TRNAU1AP: variants seen among roughly 807,000 people sequenced by gnomAD.
TRNAU1AP encodes the protein tRNA selenocysteine 1-associated protein 1.
A neutral mutation model predicts 43.3 loss-of-function variants in TRNAU1AP; 33 were observed. The ratio of observed to expected loss-of-function variants is 0.76; its 90% CI spans 0.58 to 1.02. TRNAU1AP has a LOEUF of 1.02. TRNAU1AP is among the 50% of genes least tolerant of loss of function. The pLI is 0.00. For synonymous variants in TRNAU1AP, 143 were observed against 129.1 expected (o/e 1.11, Z -0.73); for missense variants, 290 against 362.7 (o/e 0.80, Z 1.63).
At chr1:28,562,221 C>T (rs1174254360) in intron 4 of TRNAU1AP, among the ~76,000 whole-genome samples, 1 of 152,232 alleles carries the variant, frequency 6.6e-6, no homozygotes, top group Non-Finnish European at 1.5e-5. Flanking sequence ...TTCTACTTTT[C>T]AGTATTTATT....
At chr1:28,569,049 G>A (rs1404524225) in intron 6 of TRNAU1AP, among the ~76,000 whole-genome samples, 1 of 151,992 alleles carries the variant, frequency 6.6e-6, no homozygotes, top group Non-Finnish European at 1.5e-5. Context: ...GACCTCAGGT[G>A]ATCTGCCTGC....
At chr1:28,562,584 G>A (rs1439378681) in intron 4 of TRNAU1AP, among the ~76,000 whole-genome samples, 1 of 144,326 alleles carries the variant, frequency 6.9e-6, no homozygotes, top group Non-Finnish European at 1.5e-5. Flanking sequence ...GCACTTTTGT[G>A]TTTTTTTTTT....
chr1:28,553,160 G>A, intron 1 of TRNAU1AP, 23 bp downstream of exon 1: 1 of 1,500,886 alleles, frequency 6.7e-7, no homozygotes, highest in African/African-American at 1.4e-5. Flanking sequence ...AGCCGTCCGG[G>A]GTCTGAAGAC....
chr1:28,572,724 GGAAATC>G (rs1170802720), intron 8 of TRNAU1AP, among the ~76,000 whole-genome samples: 1 of 151,302 alleles, frequency 6.6e-6, no homozygotes, highest in Non-Finnish European at 1.5e-5. Context: ...TGTGAGGTCA[GGAAATC>G]GAGACCATCC....
In TRNAU1AP at chr1:28,573,772, CA is replaced by C. The variant is rs762729219; in HGVS notation, c.727+1887del. 3.6e-3 allele frequency among the ~76,000 whole-genome samples: 449 copies of C among 126,352 alleles called. 2 individuals carry two copies. Among genetic ancestry groups the C allele is most frequent in the East Asian group, 0.026 (114 of 4,372 alleles). 82.9% of individuals were successfully genotyped at this position (126,352 alleles called of 152,430 possible). ...TGGGCAACAGTGCAAGACTCTGTCT[CA>C]AAAAAAAAAAAAAATTATCCAGGCA... On this transcript the variant is annotated intron_variant, in intron 8 of 8. Coordinates refer to ENST00000373830, the MANE Select transcript of TRNAU1AP (RefSeq NM_017846.5).
intron 5 of TRNAU1AP, chr1:28,565,063 T>C (rs1233693861): frequency 3.7e-6 from 2 of 540,270 alleles, no homozygotes; most frequent in Non-Finnish European, 6.5e-6. Context: ...AGCTGATTAA[T>C]AATAGCTGCT....
chr1:28,578,488 G>A lies in TRNAU1AP; in HGVS notation c.*852G>A, dbSNP rs41266219. On this transcript the variant is annotated 3_prime_UTR_variant, in exon 9 of 9. Coordinates refer to ENST00000373830, the MANE Select transcript of TRNAU1AP (RefSeq NM_017846.5). ...TCACTTTGGGAGATGGATTGCTTGA[G>A]CTCGGGAAGAGACCAGTTCGGTCTC... The A allele has an allele frequency of 1.1e-5, 3 of 279,006 alleles. No individual in the cohort carries two copies. The highest frequency in any genetic ancestry group is 5.1e-5 in the Admixed American group (1 of 19,798). The allele number at this position is 279,006 out of a possible 1,614,324, so 17.3% of individuals were successfully genotyped here.
At position 28,578,334 on chromosome 1, in the gene TRNAU1AP, C is replaced by T. The variant is rs922362544; in HGVS notation, c.*698C>T. 3.8e-4 allele frequency: 68 copies of T among 179,680 alleles called. No individual in the cohort carries two copies. The highest frequency in any genetic ancestry group is 1.5e-3 in the African/African-American group (64 of 41,962). 11.1% of individuals were successfully genotyped at this position (179,680 alleles called of 1,614,324 possible). A position where few individuals can be genotyped will look rare whatever the true frequency, so the allele number is the denominator to read the frequency against. ...GTGTGAACTTTATACTGCTCACTTC[C>T]GTGTTTCCCAAGTAAATGGGGAAAC... On this transcript the variant is annotated 3_prime_UTR_variant, in exon 9 of 9. Coordinates refer to ENST00000373830, the MANE Select transcript of TRNAU1AP (RefSeq NM_017846.5).
intron 2 of TRNAU1AP, among the ~76,000 whole-genome samples, chr1:28,557,510 T>A (rs1198741941): frequency 6.7e-6 from 1 of 149,120 alleles, no homozygotes; most frequent in Non-Finnish European, 1.5e-5. Context: ...AGAGTTTCGC[T>A]CTTGTCACCC....
chr1:28,562,427 GA>G (rs1240977602), intron 4 of TRNAU1AP, among the ~76,000 whole-genome samples: 7 of 151,180 alleles, frequency 4.6e-5, no homozygotes, highest in Middle Eastern at 3.4e-3. Context: ...TGTTGAAAAT[GA>G]AAAAAAATAC....
intron 2 of TRNAU1AP, among the ~76,000 whole-genome samples, chr1:28,555,247 T>A (rs1015305760): frequency 5.5e-5 from 8 of 145,542 alleles, no homozygotes; most frequent in African/African-American, 1.6e-4. Context: ...AAAAAAAAAA[T>A]TATCTGTGGA....
At chr1:28,559,445 A>G (rs1033743661) in intron 2 of TRNAU1AP, among the ~76,000 whole-genome samples, 1 of 152,002 alleles carries the variant, frequency 6.6e-6, no homozygotes, top group Non-Finnish European at 1.5e-5. Flanking sequence ...CCTGACCAAT[A>G]TGGAGAAACC....
At chr1:28,563,053 G>A (rs1220409005) in intron 4 of TRNAU1AP, among the ~76,000 whole-genome samples, 5 of 151,416 alleles carry the variant, frequency 3.3e-5, no homozygotes, top group South Asian at 2.1e-4. Flanking sequence ...CTGCCAATGC[G>A]CCCAGCTAAT....
At chr1:28,561,162 A>G (rs1267773701) in intron 3 of TRNAU1AP, 184 bp from the exon 4 acceptor site, 1 of 1,430,510 alleles carries the variant, frequency 7.0e-7, no homozygotes. Context: ...TCATAGAACC[A>G]TGGAGCTGGC....
At chr1:28,568,525 T>C (rs953425132) in intron 6 of TRNAU1AP, among the ~76,000 whole-genome samples, 1 of 152,224 alleles carries the variant, frequency 6.6e-6, no homozygotes, top group South Asian at 2.1e-4. Context: ...TCTGCCCACC[T>C]TGGCCTACAA....
At chr1:28,558,435 C>A (rs1300510652) in intron 2 of TRNAU1AP, among the ~76,000 whole-genome samples, 2 of 151,554 alleles carry the variant, frequency 1.3e-5, no homozygotes, top group African/African-American at 4.8e-5. Context: ...ACCGTGTCAT[C>A]CAGGCTGGAG....
rs1233812292 is a variant in TRNAU1AP at position 28,577,640 on chromosome 1, G to C, written c.*4G>C. 6.2e-7 allele frequency: 1 copy of C among 1,612,856 alleles called. No individual in the cohort carries two copies. Among genetic ancestry groups the C allele is most frequent in the South Asian group, 1.1e-5 (1 of 90,828 alleles). On this transcript the variant is annotated 3_prime_UTR_variant, in exon 9 of 9. Transcript: ENST00000373830. Reference sequence around the variant, plus strand: ...AGAGATCCCTGCCATGATGTAGCCAGGCCAAAGGACAAGCCAGGTTGCATG... The same window carrying C: ...AGAGATCCCTGCCATGATGTAGCCACGCCAAAGGACAAGCCAGGTTGCATG...
Position 28,567,295 on chromosome 1 carries a change from G to T in TRNAU1AP, c.412G>T (p.Gly138Cys). The T allele has an allele frequency of 6.2e-7, 1 of 1,610,858 alleles. No homozygotes were observed. Residue 138 changes from glycine (G) to cysteine (C), a missense_variant and splice_region_variant, in exon 6 of 9, where the codon GGT becomes TGT. Gly to Cys is a radical substitution (Grantham distance 159, BLOSUM62 -3). Transcript: ENST00000373830. ...AAATTGTATATTTTTTTCATGCAGG[G>T]GTTATGGTTTTGTGAAATTCACAGA... is the stretch of plus-strand genomic sequence containing the variant. ...VVLDQTGVSK[G>C]YGFVKFTDEL...
chr1:28,576,685 C>T (rs931244936), intron 8 of TRNAU1AP, among the ~76,000 whole-genome samples: 1 of 151,952 alleles, frequency 6.6e-6, no homozygotes, highest in Non-Finnish European at 1.5e-5. Flanking sequence ...CCGCAACCTC[C>T]ACCTCCTGGG....
Sources: allele counts gnomAD v4.1 joint callset (sites outside exome capture counted in the v4.1 genomes callset), GRCh38; gene constraint gnomAD v4.1.1; transcripts MANE v1.5; gene names NCBI Gene and HGNC (gene_info 2026-07-23, HGNC 2026-07-21).